The following AP1G1 variants were observed in gnomAD, a reference collection of about 807,000 sequenced individuals.
AP1G1 encodes AP-1 complex subunit gamma-1.
In AP1G1, 7 loss-of-function variants were observed where a neutral mutation model predicts 108.3. The ratio of observed to expected loss-of-function variants is 0.06; its 90% CI spans 0.04 to 0.12. The LOEUF is 0.12. Among genes scored for constraint, AP1G1 ranks in the 10% least tolerant of loss-of-function variants. The pLI is 1.00. For missense variants in AP1G1, 756 were observed against 1,010.7 expected (o/e 0.75, Z 3.42); for synonymous variants, 379 against 353.5 (o/e 1.07, Z -0.81).
Position 71,734,623 on chromosome 16 carries a change from G to C in AP1G1, c.2353C>G (p.Leu785Val). 6.2e-7 allele frequency: 1 copy of C among 1,612,914 alleles called. No homozygotes were observed. Among genetic ancestry groups the C allele is most frequent in the East Asian group, 2.2e-5 (1 of 44,864 alleles). The change falls in exon 22 of 23, where the codon CTG (leucine) becomes GTG (valine). Residue 785 changes from leucine to valine, a missense_variant. Coordinates refer to ENST00000299980, the MANE Select transcript of AP1G1 (RefSeq NM_001128.6). ...GTGCTACTCACCTTCTGAGGGTTCA[G>C]AACTTTAATGACTTGTGTGATGGTC... ...TGTITQVIKVLNPQKQQLRMR... is the reference protein window; with the variant it reads ...TGTITQVIKVVNPQKQQLRMR...
At chr16:71,798,346 G>C (rs761665088) in intron 1 of AP1G1, among the ~76,000 whole-genome samples, 1 of 152,048 alleles carries the variant, frequency 6.6e-6, no homozygotes, top group African/African-American at 2.4e-5. Flanking sequence ...CTATAGGCGC[G>C]TGCCACCACG....
At chr16:71,767,463 A>C (rs1217366020) in intron 6 of AP1G1, among the ~76,000 whole-genome samples, 1 of 152,240 alleles carries the variant, frequency 6.6e-6, no homozygotes, top group African/African-American at 2.4e-5. Flanking sequence ...TCAGCAGTAC[A>C]TACGGAGCTT....
intron 1 of AP1G1, among the ~76,000 whole-genome samples, chr16:71,805,508 C>A (rs1439216306): frequency 6.6e-6 from 1 of 152,056 alleles, no homozygotes; most frequent in African/African-American, 2.4e-5. Flanking sequence ...GACTAAATTA[C>A]AAACACCTAA....
chr16:71,769,402 G>C, intron 6 of AP1G1: 1 of 499,010 alleles, frequency 2.0e-6, no homozygotes, highest in Non-Finnish European at 3.7e-6. Context: ...TGCCAACAAT[G>C]AGAGAAGACT....
At chr16:71,765,939 G>A (rs986587891) in intron 6 of AP1G1, among the ~76,000 whole-genome samples, 2 of 152,130 alleles carry the variant, frequency 1.3e-5, no homozygotes, top group African/African-American at 2.4e-5. Context: ...AGCCTAGGTG[G>A]CAAAAACATG....
chr16:71,768,111 A>G (rs937626740), intron 6 of AP1G1, among the ~76,000 whole-genome samples: 1 of 150,712 alleles, frequency 6.6e-6, no homozygotes, highest in Non-Finnish European at 1.5e-5. Context: ...AGTTCAATGC[A>G]TGTAACTACC....
intron 1 of AP1G1, among the ~76,000 whole-genome samples, chr16:71,791,526 T>TA (rs1220236223): frequency 1.3e-5 from 2 of 151,604 alleles, no homozygotes; most frequent in South Asian, 4.2e-4. Context: ...CTACAAATAA[T>TA]AAAAAAAAGT....
intron 1 of AP1G1, chr16:71,806,856 T>C (rs954522335): frequency 1.5e-5 from 6 of 404,734 alleles, no homozygotes; most frequent in African/African-American, 6.5e-5. Flanking sequence ...ACTGAAAATA[T>C]TGTTTTCTTC....
At chr16:71,786,244 A>C (rs1373482612) in intron 2 of AP1G1, among the ~76,000 whole-genome samples, 1 of 152,204 alleles carries the variant, frequency 6.6e-6, no homozygotes, top group Non-Finnish European at 1.5e-5. Context: ...AACATATTAA[A>C]GAAATGAATC....
chr16:71,746,098 C>T (rs1267653921), intron 17 of AP1G1, among the ~76,000 whole-genome samples: 2 of 152,090 alleles, frequency 1.3e-5, no homozygotes, highest in African/African-American at 4.8e-5. Context: ...AAACATCCGC[C>T]TCCCAGGTTC....
At chr16:71,760,940 A>C (rs2031056438) in intron 10 of AP1G1, among the ~76,000 whole-genome samples, 1 of 152,240 alleles carries the variant, frequency 6.6e-6, no homozygotes, top group African/African-American at 2.4e-5. Flanking sequence ...AAATAACAAA[A>C]TAAAAGATAA....
At chr16:71,799,559 G>A (rs895499026) in intron 1 of AP1G1, among the ~76,000 whole-genome samples, 1 of 151,914 alleles carries the variant, frequency 6.6e-6, no homozygotes, top group Non-Finnish European at 1.5e-5. Context: ...CTCAAGTCCA[G>A]GAGTTTGAGA....
chr16:71,774,620 G>T, intron 2 of AP1G1, 28 bp from the exon 3 acceptor site: 1 of 1,547,448 alleles, frequency 6.5e-7, no homozygotes, highest in Non-Finnish European at 8.7e-7. Context: ...AAAAAAGAAG[G>T]AAATTAAAAC....
chr16:71,803,708 T>C (rs1047804071), intron 1 of AP1G1, among the ~76,000 whole-genome samples: 2 of 152,158 alleles, frequency 1.3e-5, no homozygotes, highest in African/African-American at 4.8e-5. Flanking sequence ...GTGGATCACT[T>C]GAGCCCAGGA....
In AP1G1 at chr16:71,739,177, TA is replaced by T. The variant is rs1371374253; in HGVS notation, c.2107+56del. The T allele has an allele frequency of 4.4e-6, 7 of 1,608,274 alleles. No homozygotes were observed. In the African/African-American group the frequency reaches 9.4e-5, roughly 22 times the overall value. ...CAGAATTATTACTTCTTTTTCTTAA[TA>T]ACCACATCTCATTACTCAGTGCTCC... On this transcript the variant is annotated intron_variant, in intron 20 of 22. Transcript: ENST00000299980.
intron 1 of AP1G1, among the ~76,000 whole-genome samples, chr16:71,802,293 G>A (rs1435027082): frequency 2.6e-5 from 4 of 151,770 alleles, no homozygotes; most frequent in Non-Finnish European, 4.4e-5. Context: ...TTTTGAGACA[G>A]TCTATCTCTG....
chr16:71,802,760 CTG>C (rs1177348716), intron 1 of AP1G1, among the ~76,000 whole-genome samples: 2 of 151,262 alleles, frequency 1.3e-5, no homozygotes, highest in African/African-American at 4.9e-5. Flanking sequence ...CAGAGTCCCA[CTG>C]TGTTTCCCAG....
intron 10 of AP1G1, 134 bp downstream of exon 10, chr16:71,761,378 C>T: frequency 1.4e-6 from 1 of 708,706 alleles, no homozygotes; most frequent in Non-Finnish European, 2.5e-6. Flanking sequence ...TGTTTTAAGA[C>T]CAGAAAAACA....
intron 2 of AP1G1, among the ~76,000 whole-genome samples, chr16:71,787,864 G>A (rs1338815787): frequency 1.3e-5 from 2 of 152,254 alleles, no homozygotes; most frequent in South Asian, 2.1e-4. Context: ...TATATTTTTA[G>A]AAACTATTCA....
Sources: allele counts gnomAD v4.1 joint callset (sites outside exome capture counted in the v4.1 genomes callset), GRCh38; gene constraint gnomAD v4.1.1; transcripts MANE v1.5; gene names NCBI Gene and HGNC (gene_info 2026-07-23, HGNC 2026-07-21).